The following CMC1 variants were observed in gnomAD, a reference collection of about 807,000 sequenced individuals.
The protein encoded by CMC1 is COX assembly mitochondrial protein homolog.
Under a neutral mutation model 14.1 loss-of-function variants are expected in CMC1, and 14 were observed. The observed-to-expected ratio is 0.99, with a 90% CI of 0.66 to 1.55. The LOEUF (loss-of-function observed/expected upper bound fraction) is 1.55, where lower values mean the gene tolerates loss of function less well. Ranked by LOEUF, CMC1 falls within the 40% of genes most tolerant of loss-of-function variation. The probability of loss-of-function intolerance (pLI) is 0.00; values close to 1 mark genes in which losing one functional copy is unlikely to be tolerated. For synonymous variants in CMC1, 50 were observed against 38.4 expected (o/e 1.30, Z -1.12); for missense variants, 127 against 123.8 (o/e 1.03, Z -0.12).
chr3:28,311,011 C>A (rs1290294718), intron 2 of CMC1, among the ~76,000 whole-genome samples: 1 of 152,226 alleles, frequency 6.6e-6, no homozygotes, highest in Non-Finnish European at 1.5e-5. Flanking sequence ...TCCTGCTGTC[C>A]CGCCCGGTTC....
chr3:28,306,544 T>C (rs1423987082), intron 2 of CMC1, among the ~76,000 whole-genome samples: 1 of 152,188 alleles, frequency 6.6e-6, no homozygotes, highest in Non-Finnish European at 1.5e-5. Context: ...GAAACTTTAC[T>C]GATGTCATTT....
At chr3:28,263,831 T>C (rs926264064) in intron 2 of CMC1, among the ~76,000 whole-genome samples, 1 of 152,166 alleles carries the variant, frequency 6.6e-6, no homozygotes, top group Non-Finnish European at 1.5e-5. Flanking sequence ...TGATAGGACT[T>C]ACAGTGAGTC....
chr3:28,293,488 G>A (rs926852105), intron 2 of CMC1, among the ~76,000 whole-genome samples: 3 of 152,132 alleles, frequency 2.0e-5, no homozygotes, highest in African/African-American at 7.2e-5. Flanking sequence ...GAGGTAGATG[G>A]TTGTAAGATA....
chr3:28,316,843 G>A (rs3752876), intron 3 of CMC1: 31,541 of 152,378 alleles, frequency 0.21, 3,855 homozygotes, highest in Middle Eastern at 0.3. Context: ...GAGATAAATC[G>A]TATGGATGAT....
intron 2 of CMC1, chr3:28,297,161 G>A (rs1340064047): frequency 3.3e-5 from 5 of 152,016 alleles, no homozygotes; most frequent in Admixed American, 3.3e-4. Flanking sequence ...ATACATATTT[G>A]GTAAGTTAAG....
At chr3:28,277,461 T>C (rs933763797) in intron 2 of CMC1, among the ~76,000 whole-genome samples, 6 of 152,246 alleles carry the variant, frequency 3.9e-5, no homozygotes, top group African/African-American at 1.4e-4. Flanking sequence ...TAACAGTGAA[T>C]AAAATAGACA....
intron 2 of CMC1, among the ~76,000 whole-genome samples, chr3:28,277,020 T>G (rs1700620193): frequency 6.6e-6 from 1 of 152,210 alleles, no homozygotes; most frequent in African/African-American, 2.4e-5. Flanking sequence ...AAATCAGAAG[T>G]TATAGGTGAC....
intron 1 of CMC1, among the ~76,000 whole-genome samples, chr3:28,248,801 T>C (rs1361617364): frequency 6.6e-6 from 1 of 152,188 alleles, no homozygotes; most frequent in Non-Finnish European, 1.5e-5. Context: ...ATTTTTTCTT[T>C]TTTTTTGAGA....
At chr3:28,270,443 T>C (rs1375177556) in intron 2 of CMC1, among the ~76,000 whole-genome samples, 1 of 152,178 alleles carries the variant, frequency 6.6e-6, no homozygotes, top group Non-Finnish European at 1.5e-5. Context: ...TTTTTAATAA[T>C]TGCCATTCTG....
chr3:28,296,438 T>C (rs1701745019), intron 2 of CMC1, among the ~76,000 whole-genome samples: 1 of 152,098 alleles, frequency 6.6e-6, no homozygotes, highest in South Asian at 2.1e-4. Flanking sequence ...TTTCCATAAA[T>C]AAAACTTCCT....
In CMC1 at chr3:28,323,916, A is replaced by G. The variant is rs1703277301; in HGVS notation, c.*4287A>G. 2 of 1,092,262 alleles carry G rather than the reference A, an allele frequency of 1.8e-6. No homozygotes were observed. 67.7% of individuals were successfully genotyped at this position (1,092,262 alleles called of 1,614,324 possible). ...TTGTACTATTGTACAGTGTGTTCAA[A>G]TATAGATACTGAAGACCTCTGCAAA... is the stretch of plus-strand genomic sequence containing the variant. On this transcript the variant is annotated 3_prime_UTR_variant, in exon 4 of 4. Coordinates refer to ENST00000466830, the MANE Select transcript of CMC1 (RefSeq NM_182523.2).
chr3:28,244,974 G>C (rs937752971), intron 1 of CMC1, among the ~76,000 whole-genome samples: 1 of 131,758 alleles, frequency 7.6e-6, no homozygotes, highest in Non-Finnish European at 1.6e-5. Flanking sequence ...TTTTAATTTC[G>C]TGTTTATTTG....
chr3:28,323,042 G>T lies in CMC1; in HGVS notation c.*3413G>T, dbSNP rs187060603. ...GAATAAGTGTGGACATTTCATGATCGACAATATCAATACAGCCCAAACCCT... is the reference window on the plus strand; with the variant it reads ...GAATAAGTGTGGACATTTCATGATCTACAATATCAATACAGCCCAAACCCT... On this transcript the variant is annotated 3_prime_UTR_variant, in exon 4 of 4. Transcript: ENST00000466830. 2.0e-5 allele frequency: 3 copies of T among 150,950 alleles called. No individual in the cohort carries two copies. The East Asian group carries it at 5.8e-4, about 29-fold the overall frequency. 9.4% of individuals were successfully genotyped at this position (150,950 alleles called of 1,614,324 possible). A position where few individuals can be genotyped will look rare whatever the true frequency, so the allele number is the denominator to read the frequency against.
intron 1 of CMC1, among the ~76,000 whole-genome samples, chr3:28,246,374 C>A (rs1698829285): frequency 6.6e-6 from 1 of 152,070 alleles, no homozygotes; most frequent in Non-Finnish European, 1.5e-5. Flanking sequence ...GGAGTATGTG[C>A]CATGGCAGTG....
At chr3:28,282,658 A>C (rs1280178167) in intron 2 of CMC1, among the ~76,000 whole-genome samples, 1 of 152,196 alleles carries the variant, frequency 6.6e-6, no homozygotes, top group African/African-American at 2.4e-5. Context: ...TCACATTGTC[A>C]GGCTGCTTTT....
At chr3:28,245,517 T>G (rs748681360) in intron 1 of CMC1, among the ~76,000 whole-genome samples, 1 of 152,212 alleles carries the variant, frequency 6.6e-6, no homozygotes, top group East Asian at 1.9e-4. Context: ...TCTCTACTTA[T>G]GCAGAATGGG....
chr3:28,273,728 G>T lies in CMC1; in HGVS notation c.109+10348G>T, dbSNP rs144922143. On this transcript the variant is annotated intron_variant, in intron 2 of 3. Coordinates refer to ENST00000466830, the MANE Select transcript of CMC1 (RefSeq NM_182523.2). ...TAAAGTCACTCATTATTATTGTGTG[G>T]GAGTCTAAGTCTCTTTGTAGGTTTC... 1.6e-3 allele frequency among the ~76,000 whole-genome samples: 238 copies of T among 152,030 alleles called. 3 individuals are homozygous for T. The highest frequency in any genetic ancestry group is 5.6e-3 in the East Asian group (29 of 5,162).
chr3:28,276,535 A>T (rs1307058691), intron 2 of CMC1, among the ~76,000 whole-genome samples: 1 of 152,188 alleles, frequency 6.6e-6, no homozygotes, highest in Admixed American at 6.5e-5. Context: ...ATTTTGCTAT[A>T]ATAGACTTAA....
At chr3:28,308,981 C>CA (rs750800906) in intron 2 of CMC1, among the ~76,000 whole-genome samples, 1 of 30,290 alleles carries the variant, frequency 3.3e-5, no homozygotes. Flanking sequence ...GACTCCGTCT[C>CA]AAAAAAAAAT....
Sources: gnomAD v4.1 joint callset for allele counts (sites outside exome capture counted in the v4.1 genomes callset) on GRCh38, gnomAD v4.1.1 for gene constraint, MANE v1.5 for transcripts, NCBI Gene and HGNC (gene_info 2026-07-23, HGNC 2026-07-21) for gene names.